PELI2: variants seen among roughly 807,000 people sequenced by gnomAD.
The protein encoded by PELI2 is pellino E3 ubiquitin protein ligase family member 2, also known as E3 ubiquitin-protein ligase pellino homolog 2.
In PELI2, 23 loss-of-function variants were observed where a neutral mutation model predicts 42.3. That is an observed-to-expected ratio of 0.54 (90% confidence interval 0.39 to 0.77). The LOEUF (loss-of-function observed/expected upper bound fraction) is 0.77, where lower values mean the gene tolerates loss of function less well. Ranked by LOEUF, PELI2 falls within the 30% of genes least tolerant of loss-of-function variation. The pLI is 0.00. For missense variants in PELI2, 463 were observed against 553.2 expected (o/e 0.84, Z 1.64); for synonymous variants, 245 against 212.2 (o/e 1.15, Z -1.34).
chr14:56,237,227 C>T (rs572820398), intron 2 of PELI2, among the ~76,000 whole-genome samples: 1 of 152,176 alleles, frequency 6.6e-6, no homozygotes, highest in African/African-American at 2.4e-5. Flanking sequence ...TAGAATTGGT[C>T]AGAGTGCCTA....
At chr14:56,208,814 A>G (rs1254725179) in intron 2 of PELI2, among the ~76,000 whole-genome samples, 3 of 152,236 alleles carry the variant, frequency 2.0e-5, no homozygotes, top group Non-Finnish European at 4.4e-5. Context: ...CCACTTTCAT[A>G]GAAAACCATT....
chr14:56,164,693 C>CT (rs1398948708), intron 1 of PELI2, among the ~76,000 whole-genome samples: 1 of 151,706 alleles, frequency 6.6e-6, no homozygotes, highest in Admixed American at 6.6e-5. Flanking sequence ...TGGGAGACTT[C>CT]TTGTTACAGC....
At chr14:56,230,125 T>G (rs1485644678) in intron 2 of PELI2, among the ~76,000 whole-genome samples, 1 of 152,142 alleles carries the variant, frequency 6.6e-6, no homozygotes, top group African/African-American at 2.4e-5. Flanking sequence ...CATTTCTGAT[T>G]GGTGTACGTG....
At chr14:56,163,578 T>A (rs111797183) in intron 1 of PELI2, among the ~76,000 whole-genome samples, 17,771 of 152,110 alleles carry the variant, frequency 0.12, 1,319 homozygotes, top group Middle Eastern at 0.17. Flanking sequence ...CTCTGTATAC[T>A]TTTTAGGATT....
At chr14:56,293,508 G>A (rs1249365926) in intron 5 of PELI2, among the ~76,000 whole-genome samples, 1 of 20,760 alleles carries the variant, frequency 4.8e-5, no homozygotes, top group Non-Finnish European at 1.1e-4. Context: ...ACTGTTGTGA[G>A]AACTAAATTC....
At chr14:56,160,321 G>A (rs935525814) in intron 1 of PELI2, among the ~76,000 whole-genome samples, 2 of 152,180 alleles carry the variant, frequency 1.3e-5, no homozygotes, top group Admixed American at 1.3e-4. Context: ...CAGACTCTGA[G>A]AAGTTAAGGG....
intron 2 of PELI2, among the ~76,000 whole-genome samples, chr14:56,231,601 T>G (rs1402225538): frequency 6.6e-6 from 1 of 152,168 alleles, no homozygotes; most frequent in African/African-American, 2.4e-5. Flanking sequence ...TGGGACACAT[T>G]TAAAGCAGCG....
At chr14:56,169,428 C>T (rs1056025959) in intron 1 of PELI2, among the ~76,000 whole-genome samples, 25 of 152,160 alleles carry the variant, frequency 1.6e-4, no homozygotes, top group African/African-American at 4.6e-4. Context: ...CGTGGTTGGG[C>T]GTCAGCTGAG....
chr14:56,235,310 T>A (rs1887750630), intron 2 of PELI2, among the ~76,000 whole-genome samples: 1 of 152,222 alleles, frequency 6.6e-6, no homozygotes, highest in Non-Finnish European at 1.5e-5. Context: ...TTATTATAAC[T>A]ACAATGTCAA....
At chr14:56,283,982 C>T (rs541121828) in intron 3 of PELI2, among the ~76,000 whole-genome samples, 5 of 152,122 alleles carry the variant, frequency 3.3e-5, no homozygotes, top group South Asian at 2.1e-4. Flanking sequence ...GAGCAAAAAG[C>T]GCGACAGCAC....
chr14:56,242,461 AAGT>A (rs1888008863), intron 2 of PELI2, among the ~76,000 whole-genome samples: 1 of 152,192 alleles, frequency 6.6e-6, no homozygotes, highest in Non-Finnish European at 1.5e-5. Flanking sequence ...AAAGAACTAA[AAGT>A]AGAACTGCCA....
chr14:56,252,473 G>A (rs1888380607), intron 2 of PELI2, among the ~76,000 whole-genome samples: 2 of 152,312 alleles, frequency 1.3e-5, no homozygotes, highest in South Asian at 4.1e-4. Context: ...GTAACGTATT[G>A]TAAGATGAGT....
chr14:56,178,587 T>C (rs1438944609), intron 2 of PELI2, 123 bp downstream of exon 2: 4 of 1,105,674 alleles, frequency 3.6e-6, no homozygotes, highest in Non-Finnish European at 5.3e-6. Flanking sequence ...CATTTGAGGC[T>C]GGATAATGCT....
At chr14:56,121,128 T>C (rs1883044423) in intron 1 of PELI2, among the ~76,000 whole-genome samples, 1 of 152,168 alleles carries the variant, frequency 6.6e-6, no homozygotes, top group Non-Finnish European at 1.5e-5. Flanking sequence ...GGTATAAATA[T>C]TGGAAAACAG....
At chr14:56,191,923 C>T (rs760786538) in intron 2 of PELI2, among the ~76,000 whole-genome samples, 1 of 151,784 alleles carries the variant, frequency 6.6e-6, no homozygotes, top group East Asian at 1.9e-4. Flanking sequence ...GGTGTGATCT[C>T]GGCTCACTGC....
At chr14:56,137,625 G>A (rs1372833300) in intron 1 of PELI2, among the ~76,000 whole-genome samples, 1 of 152,138 alleles carries the variant, frequency 6.6e-6, no homozygotes, top group Non-Finnish European at 1.5e-5. Flanking sequence ...TCATAACTGA[G>A]CAATATAGTT....
intron 1 of PELI2, among the ~76,000 whole-genome samples, chr14:56,150,618 A>G (rs1566607442): frequency 6.6e-6 from 1 of 152,202 alleles, no homozygotes; most frequent in Non-Finnish European, 1.5e-5. Flanking sequence ...AGTACTTGGA[A>G]AATATCTTAT....
intron 1 of PELI2, among the ~76,000 whole-genome samples, chr14:56,136,177 GGCATTTCT>G (rs1351002438): frequency 6.6e-6 from 1 of 152,120 alleles, no homozygotes; most frequent in African/African-American, 2.4e-5. Flanking sequence ...TTGTAGGGAA[GGCATTTCT>G]GTTATCCAGG....
intron 2 of PELI2, among the ~76,000 whole-genome samples, chr14:56,191,830 G>T (rs989592684): frequency 6.6e-6 from 1 of 152,090 alleles, no homozygotes. Context: ...TGTTTTTAAA[G>T]AAAAGATTTT....
Sources: gnomAD v4.1 joint callset for allele counts (sites outside exome capture counted in the v4.1 genomes callset) on GRCh38, gnomAD v4.1.1 for gene constraint, MANE v1.5 for transcripts, NCBI Gene and HGNC (gene_info 2026-07-23, HGNC 2026-07-21) for gene names.